UNC13C: variants seen among roughly 807,000 people sequenced by gnomAD.
UNC13C encodes protein unc-13 homolog C.
UNC13C carries 174 observed loss-of-function variants against 245.4 expected under a neutral mutation model. The ratio of observed to expected loss-of-function variants is 0.71; its 90% CI spans 0.63 to 0.80. The LOEUF is 0.80. UNC13C is among the 30% of genes least tolerant of loss of function. The pLI, the probability that UNC13C is intolerant of heterozygous loss-of-function variation, is 0.00. For missense variants in UNC13C, 2,829 were observed against 2,602.9 expected, an observed-to-expected ratio of 1.09 and a Z score of -1.89; for synonymous variants, 992 against 895.1, an observed-to-expected ratio of 1.11 and a Z score of -1.93.
chr15:54,293,802 C>T (rs887696391), intron 10 of UNC13C, 93 bp from the exon 11 acceptor site: 12 of 1,054,946 alleles, frequency 1.1e-5, no homozygotes, highest in Admixed American at 3.9e-5. Flanking sequence ...GTATATTATG[C>T]CTTTCTAGAA....
chr15:53,966,192 T>C, the UNC13C span, among the ~76,000 whole-genome samples: 1 of 152,218 alleles, frequency 6.6e-6, no homozygotes, highest in Non-Finnish European at 1.5e-5. Context: ...ATTTATATTT[T>C]CTATAAGTCA....
chr15:53,964,905 T>G, the UNC13C span, among the ~76,000 whole-genome samples: 1 of 152,174 alleles, frequency 6.6e-6, no homozygotes, highest in Non-Finnish European at 1.5e-5. Context: ...CAGTCATACA[T>G]GTACATTACA....
intron 4 of UNC13C, 45 bp from the exon 5 acceptor site, chr15:54,234,985 A>C (rs1411842876): frequency 1.9e-6 from 3 of 1,546,644 alleles, no homozygotes; most frequent in Non-Finnish European, 2.7e-6. Flanking sequence ...TCTTACAAGA[A>C]GTCATTTTAC....
At chr15:53,945,872 T>C in the UNC13C span, among the ~76,000 whole-genome samples, 2 of 152,232 alleles carry the variant, frequency 1.3e-5, no homozygotes, top group Non-Finnish European at 2.9e-5. Context: ...ATTCTTCCTA[T>C]CCATGAGTAT....
At chr15:54,275,705 G>A (rs1023837786) in intron 10 of UNC13C, among the ~76,000 whole-genome samples, 1 of 152,096 alleles carries the variant, frequency 6.6e-6, no homozygotes, top group Non-Finnish European at 1.5e-5. Context: ...CATAGAACTG[G>A]AATTCTGTTG....
chr15:54,169,708 G>C lies in UNC13C; in HGVS notation c.3071+26024G>C, dbSNP rs143485068. On this transcript the variant is annotated intron_variant, in intron 4 of 32. Coordinates refer to ENST00000260323, the MANE Select transcript of UNC13C (RefSeq NM_001080534.3). ...CTAGGGCTTTAAGCTTTCTGTTCTT[G>C]CTGTTTGGAGAGCCCTTTGGGACAC... 2.2e-3 allele frequency among the ~76,000 whole-genome samples: 336 copies of C among 152,104 alleles called. 2 individuals carry two copies. Among genetic ancestry groups the C allele is most frequent in the African/African-American group, 7.7e-3 (321 of 41,484 alleles).
chr15:53,999,962 G>A (rs562202848), intron 1 of UNC13C, among the ~76,000 whole-genome samples: 3 of 152,142 alleles, frequency 2.0e-5, no homozygotes, highest in South Asian at 2.1e-4. Flanking sequence ...GGACCAGTAT[G>A]TGTCTTGGTT....
At chr15:54,341,577 G>T (rs572643638) in intron 17 of UNC13C, among the ~76,000 whole-genome samples, 81 of 150,946 alleles carry the variant, frequency 5.4e-4, no homozygotes, top group African/African-American at 1.9e-3. Context: ...TAAAATAAAT[G>T]TTGAAATTAT....
intron 10 of UNC13C, among the ~76,000 whole-genome samples, chr15:54,277,104 C>A (rs1436963554): frequency 6.6e-6 from 1 of 152,048 alleles, no homozygotes; most frequent in African/African-American, 2.4e-5. Flanking sequence ...ACATGCCTTT[C>A]TTTTCTGTGC....
At chr15:54,446,611 G>T (rs975150681) in intron 19 of UNC13C, among the ~76,000 whole-genome samples, 1 of 152,162 alleles carries the variant, frequency 6.6e-6, no homozygotes, top group African/African-American at 2.4e-5. Flanking sequence ...TGGTGTATAA[G>T]AATGCTTGTG....
At chr15:54,608,077 A>G (rs1235040172) in intron 30 of UNC13C, among the ~76,000 whole-genome samples, 3 of 152,216 alleles carry the variant, frequency 2.0e-5, no homozygotes, top group African/African-American at 7.2e-5. Flanking sequence ...AGAAGACAAT[A>G]GCATTACGGG....
chr15:54,457,088 G>A (rs1200494675), intron 19 of UNC13C, among the ~76,000 whole-genome samples: 1 of 152,086 alleles, frequency 6.6e-6, no homozygotes, highest in Non-Finnish European at 1.5e-5. Context: ...TAATCAGGAA[G>A]GGATGCTGGA....
upstream of UNC13C, chr15:53,974,836 G>A (rs1476020955): frequency 1.3e-5 from 2 of 151,972 alleles, no homozygotes; most frequent in Non-Finnish European, 2.9e-5. Context: ...TTCTGCCTCA[G>A]GGTTTCTCAT....
intron 4 of UNC13C, among the ~76,000 whole-genome samples, chr15:54,148,422 A>G (rs2032373653): frequency 6.6e-6 from 1 of 152,200 alleles, no homozygotes; most frequent in South Asian, 2.1e-4. Context: ...AGGTTCAACA[A>G]AGGAATAAAG....
intron 4 of UNC13C, among the ~76,000 whole-genome samples, chr15:54,217,114 T>C (rs1011589461): frequency 1.3e-5 from 2 of 152,028 alleles, no homozygotes; most frequent in Non-Finnish European, 2.9e-5. Flanking sequence ...GGAGCTTTAT[T>C]CTTTGAAGTT....
intron 19 of UNC13C, among the ~76,000 whole-genome samples, chr15:54,461,895 G>A (rs1420188841): frequency 6.6e-6 from 1 of 152,180 alleles, no homozygotes; most frequent in Admixed American, 6.5e-5. Context: ...ATACTGGTAT[G>A]AAATAATAAC....
intron 8 of UNC13C, among the ~76,000 whole-genome samples, chr15:54,254,585 GCA>G (rs1399272324): frequency 2.0e-5 from 3 of 152,282 alleles, no homozygotes; most frequent in Non-Finnish European, 2.9e-5. Context: ...TTCCATATAG[GCA>G]TACGCTATTA....
At chr15:53,943,556 A>C in the UNC13C span, among the ~76,000 whole-genome samples, 1 of 152,294 alleles carries the variant, frequency 6.6e-6, no homozygotes, top group South Asian at 2.1e-4. Flanking sequence ...TGTCTGTGAT[A>C]AGCAGATGTC....
intron 19 of UNC13C, among the ~76,000 whole-genome samples, chr15:54,430,750 A>C (rs993458805): frequency 6.6e-6 from 1 of 151,782 alleles, no homozygotes; most frequent in Non-Finnish European, 1.5e-5. Context: ...ACTAAATACT[A>C]TCTCAGGAAT....
Sources: allele counts gnomAD v4.1 joint callset (sites outside exome capture counted in the v4.1 genomes callset), GRCh38; gene constraint gnomAD v4.1.1; transcripts MANE v1.5; gene names NCBI Gene and HGNC (gene_info 2026-07-23, HGNC 2026-07-21).